Variants in AMOTL1 observed in about 807,000 individuals in gnomAD.
AMOTL1 encodes the protein angiomotin like 1.
In AMOTL1, 45 loss-of-function variants were observed where a neutral mutation model predicts 102.9. That is an observed-to-expected ratio of 0.44 (90% CI 0.34 to 0.56). The LOEUF is 0.56. Among genes scored for constraint, AMOTL1 ranks in the 20% least tolerant of loss-of-function variants. The probability of loss-of-function intolerance (pLI) is 0.01; values close to 1 mark genes in which losing one functional copy is unlikely to be tolerated. For synonymous variants in AMOTL1, 481 were observed against 484.7 expected (o/e 0.99, Z 0.10); for missense variants, 1,114 against 1,225.6 (o/e 0.91, Z 1.36).
intron 10 of AMOTL1, among the ~76,000 whole-genome samples, chr11:94,865,626 G>A (rs1166687330): frequency 6.6e-6 from 1 of 151,952 alleles, no homozygotes; most frequent in African/African-American, 2.4e-5. Flanking sequence ...ACCTACCCCC[G>A]GCCCCCACCG....
rs1164662651 is a variant in AMOTL1, at chr11:94,864,791, A to G, written c.2192A>G (p.Glu731Gly). Residue 731 changes from glutamate (E) to glycine (G), a missense_variant, in exon 10 of 13, where the codon GAG (glutamate) becomes GGG (glycine). Glu to Gly is a moderately conservative substitution (Grantham distance 98). Coordinates refer to ENST00000433060, the MANE Select transcript of AMOTL1 (RefSeq NM_130847.3). ...RNGSYGESSL[E>G]AHIWQEEEEV... ...GGCAGCTACGGAGAGAGCTCGCTGG[A>G]GGCCCACATCTGGCAAGAGGAGGAG... 5.6e-6 allele frequency: 9 copies of G among 1,613,748 alleles called. No individual in the cohort carries two copies. The highest frequency in any genetic ancestry group is 7.6e-6 in the Non-Finnish European group (9 of 1,179,794).
intron 1 of AMOTL1, among the ~76,000 whole-genome samples, chr11:94,716,545 T>A (rs1207281409): frequency 1.3e-5 from 2 of 152,132 alleles, no homozygotes; most frequent in African/African-American, 4.8e-5. Flanking sequence ...TGAGTTATAG[T>A]TCCATGACAA....
At chr11:94,774,863 T>A (rs532681336) in intron 1 of AMOTL1, among the ~76,000 whole-genome samples, 1 of 152,184 alleles carries the variant, frequency 6.6e-6, no homozygotes, top group Non-Finnish European at 1.5e-5. Context: ...TTGAAACAGA[T>A]CTATTTCTAA....
At chr11:94,846,454 G>C (rs1017437333) in intron 6 of AMOTL1, among the ~76,000 whole-genome samples, 1 of 152,238 alleles carries the variant, frequency 6.6e-6, no homozygotes, top group Non-Finnish European at 1.5e-5. Context: ...AGGCAGAGAA[G>C]CTGAAGCACA....
chr11:94,786,047 A>T (rs1362290854), intron 1 of AMOTL1, among the ~76,000 whole-genome samples: 1 of 152,214 alleles, frequency 6.6e-6, no homozygotes, highest in Non-Finnish European at 1.5e-5. Context: ...TTATGATGAA[A>T]GATTATTTAA....
chr11:94,810,831 GACACACACACAC>G (rs3995610), intron 3 of AMOTL1, among the ~76,000 whole-genome samples: 52 of 143,756 alleles, frequency 3.6e-4, no homozygotes, highest in South Asian at 1.1e-3. Flanking sequence ...AAAAATAAAA[GACACACACACAC>G]ACACACACAC....
At chr11:94,733,073 C>T (rs1950379599) in intron 2 of AMOTL1, among the ~76,000 whole-genome samples, 1 of 152,208 alleles carries the variant, frequency 6.6e-6, no homozygotes, top group South Asian at 2.1e-4. Context: ...TTAGTCTTAT[C>T]TCCATTTTGC....
rs1184521457 is a variant in AMOTL1 at position 94,854,100 on chromosome 11, G to C, written c.1944+18G>C. ...CCCAGCAGGTAAGGAACTGGGCATG[G>C]ACTGGTGAAAGAATTAGATATGTTC... On this transcript the variant is annotated intron_variant, in intron 8 of 12. Coordinates refer to ENST00000433060, the MANE Select transcript of AMOTL1 (RefSeq NM_130847.3). The C allele has an allele frequency of 6.6e-7, 1 of 1,520,260 alleles. No homozygotes were observed. The highest frequency in any genetic ancestry group is 8.9e-7 in the Non-Finnish European group (1 of 1,129,780). 94.2% of individuals were successfully genotyped at this position (1,520,260 alleles called of 1,614,324 possible).
intron 3 of AMOTL1, among the ~76,000 whole-genome samples, chr11:94,815,795 G>A (rs1482690259): frequency 2.0e-5 from 3 of 152,058 alleles, no homozygotes; most frequent in Non-Finnish European, 4.4e-5. Context: ...TTTTATATGA[G>A]AAAGAATCTT....
Position 94,800,317 on chromosome 11 carries a change from T to C in AMOTL1, c.1121+6T>C, listed in dbSNP as rs747309894. The C allele has an allele frequency of 6.3e-7, 1 of 1,576,426 alleles. No individual in the cohort carries two copies. The highest frequency in any genetic ancestry group is 8.6e-7 in the Non-Finnish European group (1 of 1,163,408). The stretch of plus-strand genomic sequence containing the variant: ...CCTGAGTATGGGGTAACGAGGTGAT[T>C]ATCAACTGCAGACGTTTCGTGCGGC... On this transcript the variant is annotated splice_donor_region_variant and intron_variant, in intron 3 of 12. Coordinates refer to ENST00000433060, the MANE Select transcript of AMOTL1 (RefSeq NM_130847.3).
chr11:94,838,885 A>G (rs867242385), intron 6 of AMOTL1, among the ~76,000 whole-genome samples: 24 of 149,150 alleles, frequency 1.6e-4, no homozygotes, highest in South Asian at 4.3e-4. Flanking sequence ...TGATGGAGAA[A>G]GGTCTGGGCA....
chr11:94,843,585 G>A (rs1473561733), intron 6 of AMOTL1, among the ~76,000 whole-genome samples: 1 of 152,278 alleles, frequency 6.6e-6, no homozygotes, highest in Non-Finnish European at 1.5e-5. Flanking sequence ...AATTGTAGCT[G>A]TCCCTTGGAA....
At chr11:94,747,197 G>A (rs1950599768) in intron 3 of AMOTL1, among the ~76,000 whole-genome samples, 1 of 152,066 alleles carries the variant, frequency 6.6e-6, no homozygotes, top group African/African-American at 2.4e-5. Context: ...AGAAAGAATA[G>A]GTGGGGGAGC....
At chr11:94,726,698 A>G (rs1402280290) in intron 1 of AMOTL1, among the ~76,000 whole-genome samples, 1 of 152,164 alleles carries the variant, frequency 6.6e-6, no homozygotes. Flanking sequence ...GATGGAGGTT[A>G]AATACCCAAT....
At chr11:94,826,679 A>G (rs1302550395) in intron 4 of AMOTL1, among the ~76,000 whole-genome samples, 1 of 152,228 alleles carries the variant, frequency 6.6e-6, no homozygotes, top group Non-Finnish European at 1.5e-5. Context: ...GCACCAAGCC[A>G]TTCACAAGGG....
chr11:94,802,065 C>T (rs1951488431), intron 3 of AMOTL1, among the ~76,000 whole-genome samples: 1 of 152,186 alleles, frequency 6.6e-6, no homozygotes, highest in Non-Finnish European at 1.5e-5. Flanking sequence ...AGCACTGACA[C>T]ATTTCCCCAC....
At chr11:94,732,296 A>C (rs2135461703) in intron 2 of AMOTL1, among the ~76,000 whole-genome samples, 1 of 152,300 alleles carries the variant, frequency 6.6e-6, no homozygotes, top group African/African-American at 2.4e-5. Flanking sequence ...CTTGAGGCAG[A>C]TCCACACAAC....
chr11:94,821,715 C>T lies in AMOTL1; in HGVS notation c.1307C>T (p.Ala436Val), dbSNP rs766155652. ...CAGCAGCTTGGTCCAGATGCCTTTGCGATTGTGGAGCGAGCCCAGCAAATG... is the reference window on the plus strand; with the variant it reads ...CAGCAGCTTGGTCCAGATGCCTTTGTGATTGTGGAGCGAGCCCAGCAAATG... ...PSQQLGPDAF[A>V]IVERAQQMVE... is the part of the protein sequence containing the mutation. Residue 436 changes from alanine (A) to valine (V), a missense_variant, in exon 4 of 13, where the codon GCG (alanine) becomes GTG (valine). By Grantham distance (64) the Ala-to-Val change is moderately conservative (BLOSUM62 0). Transcript: ENST00000433060. 11 of 1,613,884 alleles carry T rather than the reference C, an allele frequency of 6.8e-6. No individual in the cohort carries two copies. Among genetic ancestry groups the T allele is most frequent in the South Asian group, 4.4e-5 (4 of 91,090 alleles).
intron 6 of AMOTL1, among the ~76,000 whole-genome samples, chr11:94,835,223 A>T (rs1340086220): frequency 6.6e-6 from 1 of 152,180 alleles, no homozygotes; most frequent in Non-Finnish European, 1.5e-5. Context: ...GTCAAAGCCA[A>T]ATTGCTCCTG....
Sources: gnomAD v4.1 joint callset for allele counts (sites outside exome capture counted in the v4.1 genomes callset) on GRCh38, gnomAD v4.1.1 for gene constraint, MANE v1.5 for transcripts, NCBI Gene and HGNC (gene_info 2026-07-23, HGNC 2026-07-21) for gene names.